The following ZNF592 variants were observed in gnomAD, a reference collection of about 807,000 sequenced individuals.
ZNF592 encodes the protein spinocerebellar ataxia, autosomal recessive 5.
ZNF592 carries 11 observed loss-of-function variants against 80.3 expected under a neutral mutation model. The ratio of observed to expected loss-of-function variants is 0.14; its 90% CI spans 0.09 to 0.23. The LOEUF is 0.23. Ranked by LOEUF, ZNF592 falls within the 10% of genes least tolerant of loss-of-function variation. The pLI is 1.00. For synonymous variants in ZNF592, 646 were observed against 640.3 expected, an observed-to-expected ratio of 1.01 and a Z score of -0.13; for missense variants, 1,420 against 1,633.9, an observed-to-expected ratio of 0.87 and a Z score of 2.26.
chr15:84,773,583 GAGA>G (rs1435313586), intron 2 of ZNF592, among the ~76,000 whole-genome samples: 1 of 152,072 alleles, frequency 6.6e-6, no homozygotes, highest in Non-Finnish European at 1.5e-5. Context: ...CCATCCAGGG[GAGA>G]AGATCTACAG....
chr15:84,783,081 C>A lies in ZNF592; in HGVS notation c.406C>A (p.Pro136Thr). ...GGAGCCTCCCAAGTCAGAGCCATTA[C>A]CCACCTTCAACCAGTTCAGTCCAAT... ...KLEPPKSEPLPTFNQFSPISS... is the reference protein window; with the variant it reads ...KLEPPKSEPLTTFNQFSPISS... Residue 136 changes from proline (P) to threonine (T), a missense_variant, in exon 4 of 11, where the codon CCC becomes ACC. By Grantham distance (38) the Pro-to-Thr change is conservative. Transcript: ENST00000560079. The surrounding 1 kb of genome is among the most constrained non-coding windows in gnomAD (Gnocchi z 5.0). 1 of 1,614,128 alleles carries A rather than the reference C, an allele frequency of 6.2e-7. No individual in the cohort carries two copies. The highest frequency in any genetic ancestry group is 8.5e-7 in the Non-Finnish European group (1 of 1,180,030).
chr15:84,781,980 T>G (rs957914533), intron 3 of ZNF592, among the ~76,000 whole-genome samples: 1 of 152,244 alleles, frequency 6.6e-6, no homozygotes, highest in Non-Finnish European at 1.5e-5. Context: ...TTGATAACTG[T>G]TGGTACTTTG....
At position 84,784,151 on chromosome 15, in the gene ZNF592, C is replaced by T. The variant is rs1962513381; in HGVS notation, c.1476C>T (p.Thr492=). 6.2e-7 allele frequency: 1 copy of T among 1,614,048 alleles called. No homozygotes were observed. Among genetic ancestry groups the T allele is most frequent in the South Asian group, 1.1e-5 (1 of 91,096 alleles). The change falls in exon 4 of 11, where the codon ACC becomes ACT. Residue 492 remains threonine (T), a synonymous_variant. Coordinates refer to ENST00000560079, the MANE Select transcript of ZNF592 (RefSeq NM_014630.3). The surrounding 1 kb of genome is among the most constrained non-coding windows in gnomAD (Gnocchi z 5.8). The part of the protein sequence containing the change: ...KQQSTALQAS[T]LAPANLLPKA... ...AGAGCACAGCACTGCAGGCATCCAC[C>T]CTGGCCCCTGCCAACCTCCTGCCCA... is the stretch of plus-strand genomic sequence containing the variant.
Position 84,784,712 on chromosome 15 carries a change from C to G in ZNF592, c.2037C>G (p.Ser679=), listed in dbSNP as rs770432657. The G allele has an allele frequency of 1.2e-6, 2 of 1,614,106 alleles. No individual in the cohort carries two copies. The highest frequency in any genetic ancestry group is 1.1e-5 in the South Asian group (1 of 91,078). The change falls in exon 4 of 11, where the codon TCC becomes TCG. Residue 679 remains serine (S), a synonymous_variant. Coordinates refer to ENST00000560079, the MANE Select transcript of ZNF592 (RefSeq NM_014630.3). The surrounding 1 kb of genome is among the most constrained non-coding windows in gnomAD (Gnocchi z 5.8). The part of the protein sequence containing the change: ...STAPAAPAPS[S]SPKHGLTSGS... ...CACCAGCAGCCCCAGCCCCTTCATC[C>G]TCTCCCAAACATGGCCTCACTTCGG...
At chr15:84,770,402 A>T (rs1899664880) in intron 2 of ZNF592, among the ~76,000 whole-genome samples, 1 of 152,196 alleles carries the variant, frequency 6.6e-6, no homozygotes, top group African/African-American at 2.4e-5. Context: ...GTAGAAAATT[A>T]TGATGTGAGG....
chr15:84,777,781 G>A (rs565061714), intron 2 of ZNF592, among the ~76,000 whole-genome samples: 106 of 135,412 alleles, frequency 7.8e-4, no homozygotes, highest in Non-Finnish European at 9.6e-4. Context: ...CTCACTGCAC[G>A]CTCCGCCTCC....
In ZNF592 at chr15:84,801,881, C is replaced by G. The variant is rs766613075; in HGVS notation, c.3292C>G (p.Pro1098Ala). The G allele has an allele frequency of 6.8e-6, 11 of 1,613,912 alleles. No homozygotes were observed. The highest frequency in any genetic ancestry group is 9.3e-6 in the Non-Finnish European group (11 of 1,179,854). Residue 1098 changes from proline to alanine, a missense_variant, in exon 11 of 11, where the codon CCA becomes GCA. By Grantham distance (27) the Pro-to-Ala change is conservative (BLOSUM62 -1). This residue lies in a region of ZNF592 where 145 missense variants were observed against 211.9 expected (regional missense o/e 0.68). Transcript: ENST00000560079. ...HSPQVNHLKR[P>A]VSGVGDAPGT... ...CTTTTAGGTGAACCATCTGAAAAGACCAGTCAGTGGAGTGGGGGACGCTCC... is the reference window on the plus strand; with the variant it reads ...CTTTTAGGTGAACCATCTGAAAAGAGCAGTCAGTGGAGTGGGGGACGCTCC...
At chr15:84,774,868 C>A (rs1962196809) in intron 2 of ZNF592, among the ~76,000 whole-genome samples, 1 of 152,054 alleles carries the variant, frequency 6.6e-6, no homozygotes, top group Non-Finnish European at 1.5e-5. Context: ...GTAACCTCTG[C>A]CTCCCAGGTT....
rs1963132396 is a variant in ZNF592, at chr15:84,802,551, C to G, written c.*158C>G. 36 of 860,530 alleles carry G rather than the reference C, an allele frequency of 4.2e-5. No individual in the cohort carries two copies. The South Asian group carries it at 5.8e-4, about 14-fold the overall frequency. 53.3% of individuals were successfully genotyped at this position (860,530 alleles called of 1,614,324 possible). On this transcript the variant is annotated 3_prime_UTR_variant, in exon 11 of 11. Transcript: ENST00000560079. ...CTGAGCTGCCAGTGCTGGGTATCCC[C>G]CAGCCCCAGGAAATGTGGGGTCGGC...
chr15:84,806,325 G>A lies in ZNF592; in HGVS notation c.*3932G>A, dbSNP rs934570907. ...TGGAGGAAAAAGTTGAGACTAGGAC[G>A]CAGGTCCCAAGTATGGGATTTTTTT... On this transcript the variant is annotated 3_prime_UTR_variant, in exon 11 of 11. Transcript: ENST00000560079. 3 of 152,196 alleles carry A rather than the reference G, an allele frequency of 2.0e-5. No homozygotes were observed. Among genetic ancestry groups the A allele is most frequent in the African/African-American group, 7.2e-5 (3 of 41,446 alleles). The allele number at this position is 152,196 out of a possible 1,614,324, so 9.4% of individuals were successfully genotyped here.
At chr15:84,794,093 G>A (rs574122997) in intron 5 of ZNF592, among the ~76,000 whole-genome samples, 54 of 152,158 alleles carry the variant, frequency 3.5e-4, no homozygotes, top group African/African-American at 1.2e-3. Context: ...GCCTGTCAGC[G>A]GGTGGGGGGC....
Position 84,798,135 on chromosome 15 carries a change from G to C in ZNF592, c.2576+90G>C. 1 of 1,579,566 alleles carries C rather than the reference G, an allele frequency of 6.3e-7. No homozygotes were observed. The highest frequency in any genetic ancestry group is 2.3e-5 in the East Asian group (1 of 44,374). On this transcript the variant is annotated intron_variant, in intron 6 of 10. Transcript: ENST00000560079. The surrounding 1 kb of genome is among the most constrained non-coding windows in gnomAD (Gnocchi z 4.5). ...GGGTGGCATAGGGATGGGTGAGGGA[G>C]CTGGGGTTAGTGGCAGAGGTGCCTG...
intron 5 of ZNF592, among the ~76,000 whole-genome samples, chr15:84,793,869 C>T (rs1962819281): frequency 6.6e-6 from 1 of 152,182 alleles, no homozygotes; most frequent in Admixed American, 6.5e-5. Context: ...TGCGGGGATA[C>T]ACCATGTTTT....
intron 2 of ZNF592, among the ~76,000 whole-genome samples, chr15:84,773,644 C>G (rs184782777): frequency 2.0e-5 from 3 of 152,162 alleles, no homozygotes; most frequent in South Asian, 4.2e-4. Context: ...TTTCAAACTT[C>G]AAAATACTGC....
rs978745409 is a variant in ZNF592 at position 84,759,964 on chromosome 15, C to A, written c.-258-4743C>A. On this transcript the variant is annotated intron_variant, in intron 1 of 10. Transcript: ENST00000560079. ...AAGGATTGGGGAGATTCCCCCCCCC[C>A]CCACCCTGCCATTTAAAAAGTAATA... is the stretch of plus-strand genomic sequence containing the variant. Among the ~76,000 whole-genome samples the A allele has an allele frequency of 7.0e-5, 3 of 42,782 alleles. 1 individual carries two copies. Among genetic ancestry groups the A allele is most frequent in the African/African-American group, 2.8e-4 (3 of 10,852 alleles). 28.1% of individuals were successfully genotyped at this position (42,782 alleles called of 152,430 possible).
chr15:84,798,488 C>T lies in ZNF592; in HGVS notation c.2736+14C>T, dbSNP rs372521654. The T allele has an allele frequency of 1.2e-4, 186 of 1,613,648 alleles. No individual in the cohort carries two copies. The highest frequency in any genetic ancestry group is 1.5e-4 in the Non-Finnish European group (172 of 1,179,776). On this transcript the variant is annotated intron_variant, in intron 7 of 10. Coordinates refer to ENST00000560079, the MANE Select transcript of ZNF592 (RefSeq NM_014630.3). The surrounding 1 kb of genome is among the most constrained non-coding windows in gnomAD (Gnocchi z 4.5). ...CAACACGTCAAGGTGGGATGCCTTG[C>T]GGGAGGAGGCCGGGGAGGAGGGCAC...
chr15:84,799,237 A>G lies in ZNF592; in HGVS notation c.3137+27A>G. 6.2e-7 allele frequency: 1 copy of G among 1,606,386 alleles called. No individual in the cohort carries two copies. Among genetic ancestry groups the G allele is most frequent in the Non-Finnish European group, 8.5e-7 (1 of 1,172,918 alleles). On this transcript the variant is annotated intron_variant, in intron 9 of 10. Transcript: ENST00000560079. This position sits in a 1 kb window ranked among gnomAD's most constrained non-coding sequence, Gnocchi z 4.2. ...TGAGTCCCTGGGGATAGTAGTGAGGAGGCCTGAGGTTCAAAAGACTCTGTC... is the reference window on the plus strand; with the variant it reads ...TGAGTCCCTGGGGATAGTAGTGAGGGGGCCTGAGGTTCAAAAGACTCTGTC...
rs563015997 is a variant in ZNF592, at chr15:84,773,297, C to T, written c.-149-4886C>T. On this transcript the variant is annotated intron_variant, in intron 2 of 10. Coordinates refer to ENST00000560079, the MANE Select transcript of ZNF592 (RefSeq NM_014630.3). ...TGCGATCTCGGCTCACTGCAAGCTC[C>T]GCCTCCCGGGTTCACGCCATTCTCC... Among the ~76,000 whole-genome samples, 1,282 of 151,556 alleles carry T rather than the reference C, an allele frequency of 8.5e-3. 8 individuals carry two copies. The highest frequency in any genetic ancestry group is 0.012 in the Non-Finnish European group (824 of 67,832).
chr15:84,778,779 A>G (rs193000296), intron 3 of ZNF592, among the ~76,000 whole-genome samples: 1 of 152,324 alleles, frequency 6.6e-6, no homozygotes, highest in Admixed American at 6.5e-5. Flanking sequence ...AATGGAGAAC[A>G]GCAGCTAGGG....
Sources: gnomAD v4.1 joint callset for allele counts (sites outside exome capture counted in the v4.1 genomes callset) on GRCh38, gnomAD v4.1.1 for gene constraint, gnomAD v4.1.1 regional missense constraint, Gnocchi (gnomAD v3.1) non-coding constraint, MANE v1.5 for transcripts, NCBI Gene and HGNC (gene_info 2026-07-23, HGNC 2026-07-21) for gene names.